TBC1D30: variants seen among roughly 807,000 people sequenced by gnomAD.
TBC1D30 encodes TBC1 domain family member 30.
Under a neutral mutation model 63.2 loss-of-function variants are expected in TBC1D30, and 31 were observed. The observed-to-expected ratio is 0.49, with a 90% CI of 0.37 to 0.66. The LOEUF is 0.66. Among genes scored for constraint, TBC1D30 ranks in the 30% least tolerant of loss-of-function variants. The pLI is 0.00. For missense variants in TBC1D30, 810 were observed against 953.6 expected (o/e 0.85, Z 1.98); for synonymous variants, 307 against 361.5 (o/e 0.85, Z 1.71).
At chr12:64,833,805 T>C (rs1875085728) in intron 5 of TBC1D30, among the ~76,000 whole-genome samples, 1 of 151,484 alleles carries the variant, frequency 6.6e-6, no homozygotes, top group Non-Finnish European at 1.5e-5. Flanking sequence ...GACAAATACA[T>C]GACTTTAAGA....
rs528084065 is a variant in TBC1D30, at chr12:64,839,546, C to T, written c.932+695C>T. Among the ~76,000 whole-genome samples the T allele has an allele frequency of 1.7e-3, 265 of 152,318 alleles. 1 individual carries two copies. The highest frequency in any genetic ancestry group is 3.4e-3 in the Middle Eastern group (1 of 294). On this transcript the variant is annotated intron_variant, in intron 7 of 11. Transcript: ENST00000539867. ...AAGCAGTGAAGTTTTTACCATTTCTCTTCTGGAGCTATAAATGACGAGTGG... is the reference window on the plus strand; with the variant it reads ...AAGCAGTGAAGTTTTTACCATTTCTTTTCTGGAGCTATAAATGACGAGTGG...
intron 8 of TBC1D30, among the ~76,000 whole-genome samples, chr12:64,863,215 G>A (rs923783798): frequency 6.6e-6 from 1 of 151,982 alleles, no homozygotes; most frequent in Admixed American, 6.6e-5. Flanking sequence ...AACAACCACG[G>A]GAAAACACCC....
upstream of TBC1D30, chr12:64,824,571 C>A (rs905732128): frequency 3.3e-6 from 1 of 302,708 alleles, no homozygotes; most frequent in Admixed American, 5.2e-5. Context: ...TGGGGGCGGG[C>A]ACGCCGCCTC....
intron 8 of TBC1D30, among the ~76,000 whole-genome samples, chr12:64,852,353 A>G (rs1453871044): frequency 6.6e-6 from 1 of 152,012 alleles, no homozygotes; most frequent in Non-Finnish European, 1.5e-5. Context: ...CAGCTCCATC[A>G]GGTCATTTAT....
chr12:64,858,963 T>C (rs1877547232), intron 8 of TBC1D30, among the ~76,000 whole-genome samples: 2 of 151,962 alleles, frequency 1.3e-5, no homozygotes, highest in Non-Finnish European at 2.9e-5. Flanking sequence ...AGGAAAGCCT[T>C]TCTTGAGGGA....
intron 11 of TBC1D30, among the ~76,000 whole-genome samples, chr12:64,872,982 T>C (rs951153944): frequency 3.3e-5 from 5 of 152,186 alleles, no homozygotes; most frequent in African/African-American, 9.7e-5. Flanking sequence ...TTATGGGAGC[T>C]ACAAGATGAG....
intron 8 of TBC1D30, among the ~76,000 whole-genome samples, chr12:64,859,536 G>T (rs1388920647): frequency 6.6e-6 from 1 of 152,174 alleles, no homozygotes; most frequent in Non-Finnish European, 1.5e-5. Flanking sequence ...AGGCAGTGAA[G>T]GGTGGAAACA....
chr12:64,765,490 CAAAAAAAA>C (rs60489979), intron 1 of TBC1D30, among the ~76,000 whole-genome samples: 368 of 17,562 alleles, frequency 0.021, 3 homozygotes, highest in African/African-American at 0.052. Flanking sequence ...AGACTGTCTC[CAAAAAAAA>C]AAAAAAAAAA....
intron 2 of TBC1D30, among the ~76,000 whole-genome samples, chr12:64,815,325 G>T (rs1274408506): frequency 6.6e-6 from 1 of 152,070 alleles, no homozygotes; most frequent in African/African-American, 2.4e-5. Flanking sequence ...TCTCTGAACT[G>T]CCTTGAAAAT....
intron 1 of TBC1D30, among the ~76,000 whole-genome samples, chr12:64,762,297 G>A (rs1236876000): frequency 6.6e-6 from 1 of 152,180 alleles, no homozygotes; most frequent in Non-Finnish European, 1.5e-5. Flanking sequence ...AAGGACTTGG[G>A]TTTTTATAGT....
At chr12:64,818,284 G>C (rs1392772408) in intron 2 of TBC1D30, among the ~76,000 whole-genome samples, 3 of 152,120 alleles carry the variant, frequency 2.0e-5, no homozygotes, top group Non-Finnish European at 4.4e-5. Flanking sequence ...AAATTTAGTA[G>C]CTCAATGAAA....
intron 2 of TBC1D30, among the ~76,000 whole-genome samples, chr12:64,807,122 T>G (rs534055415): frequency 6.6e-6 from 1 of 152,236 alleles, no homozygotes; most frequent in South Asian, 2.1e-4. Flanking sequence ...AAGGACCCAG[T>G]GGGAGGTGAC....
chr12:64,790,918 CAT>C (rs942816256), intron 2 of TBC1D30, among the ~76,000 whole-genome samples: 1 of 152,170 alleles, frequency 6.6e-6, no homozygotes, highest in Non-Finnish European at 1.5e-5. Context: ...ACCCAGCCGG[CAT>C]TTTCACTCCT....
In TBC1D30 at chr12:64,838,069, A is replaced by C. The variant is rs531217549; in HGVS notation, c.764-614A>C. ...ATATATACTGATCACATAAAGTAAG[A>C]GGGAGTACTATGTTTTTTAATAAAT... On this transcript the variant is annotated intron_variant, in intron 6 of 11. Coordinates refer to ENST00000539867, the MANE Select transcript of TBC1D30 (RefSeq NM_015279.2). 3.3e-5 allele frequency among the ~76,000 whole-genome samples: 5 copies of C among 152,328 alleles called. No homozygotes were observed. The South Asian group carries it at 6.2e-4, about 19-fold the overall frequency.
intron 2 of TBC1D30, among the ~76,000 whole-genome samples, chr12:64,816,218 A>C (rs1873525333): frequency 6.6e-6 from 1 of 152,036 alleles, no homozygotes; most frequent in Non-Finnish European, 1.5e-5. Flanking sequence ...TTTTTAGTAG[A>C]GATGGGGTTT....
intron 2 of TBC1D30, among the ~76,000 whole-genome samples, chr12:64,790,239 T>C (rs1871842598): frequency 6.6e-6 from 1 of 152,208 alleles, no homozygotes; most frequent in Non-Finnish European, 1.5e-5. Flanking sequence ...ATCAGTACTT[T>C]ATCTTTCTTG....
At chr12:64,844,555 A>G (rs1453209042) in intron 8 of TBC1D30, among the ~76,000 whole-genome samples, 1 of 152,222 alleles carries the variant, frequency 6.6e-6, no homozygotes, top group Non-Finnish European at 1.5e-5. Context: ...TTATTTCTAA[A>G]TGTACAATTA....
At chr12:64,858,218 T>G (rs989366919) in intron 8 of TBC1D30, among the ~76,000 whole-genome samples, 2 of 152,236 alleles carry the variant, frequency 1.3e-5, no homozygotes, top group Admixed American at 1.3e-4. Flanking sequence ...AACTTACTAA[T>G]TCATTAAACA....
At chr12:64,767,350 A>C (rs1242242375) in intron 1 of TBC1D30, among the ~76,000 whole-genome samples, 1 of 152,160 alleles carries the variant, frequency 6.6e-6, no homozygotes, top group Non-Finnish European at 1.5e-5. Flanking sequence ...CCCCTGCAGA[A>C]AGGATCATGG....
Sources: allele counts gnomAD v4.1 joint callset (sites outside exome capture counted in the v4.1 genomes callset), GRCh38; gene constraint gnomAD v4.1.1; transcripts MANE v1.5; gene names NCBI Gene and HGNC (gene_info 2026-07-23, HGNC 2026-07-21).